PHF14: variants seen among roughly 807,000 people sequenced by gnomAD.
The protein encoded by PHF14 is PHD finger protein 14.
PHF14 carries 55 observed loss-of-function variants against 117.9 expected under a neutral mutation model. The ratio of observed to expected loss-of-function variants is 0.47; its 90% CI spans 0.38 to 0.58. The LOEUF is 0.58. Among genes scored for constraint, PHF14 ranks in the 20% least tolerant of loss-of-function variants. The pLI is 0.00. For missense variants in PHF14, 978 were observed against 1,122.2 expected, an observed-to-expected ratio of 0.87 and a Z score of 1.84; for synonymous variants, 409 against 368.6, an observed-to-expected ratio of 1.11 and a Z score of -1.26.
At chr7:11,115,700 T>G (rs1787581920) in intron 17 of PHF14, among the ~76,000 whole-genome samples, 1 of 152,068 alleles carries the variant, frequency 6.6e-6, no homozygotes, top group Non-Finnish European at 1.5e-5. Flanking sequence ...TAAGGTCATT[T>G]ATGGCAAAAG....
At chr7:11,008,076 A>G (rs530389109) in intron 4 of PHF14, among the ~76,000 whole-genome samples, 5 of 152,272 alleles carry the variant, frequency 3.3e-5, no homozygotes, top group African/African-American at 1.2e-4. Context: ...AATTCAGGAG[A>G]ATGTCAGGTA....
At chr7:11,078,065 G>A (rs2128335432) in intron 16 of PHF14, among the ~76,000 whole-genome samples, 1 of 152,184 alleles carries the variant, frequency 6.6e-6, no homozygotes, top group South Asian at 2.1e-4. Context: ...TTCACACTGT[G>A]GTATTTGAAT....
intron 1 of PHF14, among the ~76,000 whole-genome samples, chr7:10,974,616 C>T (rs1391665760): frequency 2.6e-5 from 4 of 152,148 alleles, no homozygotes; most frequent in Non-Finnish European, 2.9e-5. Flanking sequence ...TTGGCGTTGG[C>T]AGCATCAGGG....
chr7:11,140,143 C>A (rs528923920), intron 17 of PHF14, among the ~76,000 whole-genome samples: 8 of 152,180 alleles, frequency 5.3e-5, no homozygotes, highest in Admixed American at 3.3e-4. Flanking sequence ...CCTTCTCATA[C>A]CCCTGCACAC....
chr7:11,021,285 A>G (rs1160728932), intron 5 of PHF14, among the ~76,000 whole-genome samples: 2 of 152,234 alleles, frequency 1.3e-5, no homozygotes, highest in Non-Finnish European at 2.9e-5. Flanking sequence ...ATGGTAAAGT[A>G]ACAAGGAAGA....
At chr7:11,033,487 C>A (rs935736409) in intron 7 of PHF14, among the ~76,000 whole-genome samples, 11 of 152,138 alleles carry the variant, frequency 7.2e-5, no homozygotes, top group African/African-American at 2.2e-4. Context: ...TTTCATACAA[C>A]TTATTGGCCA....
intron 14 of PHF14, among the ~76,000 whole-genome samples, chr7:11,056,598 A>G (rs112430361): frequency 6.6e-6 from 1 of 152,058 alleles, no homozygotes; most frequent in African/African-American, 2.4e-5. Flanking sequence ...AACAGATGAC[A>G]CCTTGTTCAT....
Position 11,004,246 on chromosome 7 carries a change from CAAAAA to C in PHF14, c.1046-9482_1046-9478del, listed in dbSNP as rs55917513. Among the ~76,000 whole-genome samples the C allele has an allele frequency of 7.1e-3, 364 of 51,270 alleles. 1 individual carries two copies. The highest frequency in any genetic ancestry group is 0.043 in the South Asian group (54 of 1,248). 33.6% of individuals were successfully genotyped at this position (51,270 alleles called of 152,430 possible). ...TGGGCTACAGAGGAAGACTTTGTCT[CAAAAA>C]AAAAAAAAAAAAAAAAAAGAAAAGA... On this transcript the variant is annotated intron_variant, in intron 4 of 17. Transcript: ENST00000634607.
chr7:11,075,347 G>A (rs1237749795), intron 16 of PHF14, among the ~76,000 whole-genome samples: 2 of 152,090 alleles, frequency 1.3e-5, no homozygotes, highest in Non-Finnish European at 2.9e-5. Flanking sequence ...AAGAAAAGAG[G>A]TTTATTTGGC....
At chr7:11,155,775 T>A (rs1226967700) in intron 17 of PHF14, among the ~76,000 whole-genome samples, 1 of 147,834 alleles carries the variant, frequency 6.8e-6, no homozygotes. Flanking sequence ...TTTTTTTTGT[T>A]TTTTTTTAGC....
chr7:11,065,637 A>C (rs180766912), intron 16 of PHF14, among the ~76,000 whole-genome samples: 2 of 152,288 alleles, frequency 1.3e-5, no homozygotes, highest in Admixed American at 6.5e-5. Flanking sequence ...TAAGTAAGGA[A>C]ATAGATTTGA....
At chr7:11,103,752 G>A (rs1583468309) in intron 16 of PHF14, 4 of 984,982 alleles carry the variant, frequency 4.1e-6, no homozygotes, top group Non-Finnish European at 4.8e-6. Context: ...TAAAGCTGCT[G>A]TAATCTAGTG....
chr7:11,095,171 T>C (rs780740420), intron 16 of PHF14, among the ~76,000 whole-genome samples: 12 of 152,192 alleles, frequency 7.9e-5, no homozygotes, highest in Non-Finnish European at 1.2e-4. Flanking sequence ...AGTAAGCACT[T>C]ACCACAACCA....
intron 16 of PHF14, among the ~76,000 whole-genome samples, chr7:11,093,342 CT>C (rs897399368): frequency 2.6e-5 from 4 of 152,068 alleles, no homozygotes; most frequent in Non-Finnish European, 5.9e-5. Context: ...ATACTTACGC[CT>C]GAAAAGGGCA....
intron 5 of PHF14, among the ~76,000 whole-genome samples, chr7:11,022,166 T>G (rs1366784089): frequency 6.6e-6 from 1 of 152,172 alleles, no homozygotes; most frequent in African/African-American, 2.4e-5. Flanking sequence ...GTACTGAAAC[T>G]CTGAGCATTC....
intron 17 of PHF14, among the ~76,000 whole-genome samples, chr7:11,147,759 C>T (rs928895322): frequency 2.0e-5 from 3 of 151,958 alleles, no homozygotes; most frequent in African/African-American, 4.8e-5. Context: ...TTTGTATGTC[C>T]CTGAGTGATT....
At chr7:11,010,047 A>G (rs892828709) in intron 4 of PHF14, among the ~76,000 whole-genome samples, 5 of 152,324 alleles carry the variant, frequency 3.3e-5, no homozygotes, top group Admixed American at 3.3e-4. Context: ...TAAATTGGAT[A>G]GCTCCTTAAG....
intron 17 of PHF14, among the ~76,000 whole-genome samples, chr7:11,125,489 G>A (rs894023107): frequency 1.3e-5 from 2 of 151,954 alleles, no homozygotes; most frequent in Admixed American, 6.6e-5. Context: ...GTTTACACTC[G>A]TTTGTGTTAA....
In PHF14 at chr7:11,013,744, T is replaced by A; in HGVS notation, c.1046-3T>A. 6.6e-7 allele frequency: 1 copy of A among 1,509,996 alleles called. No homozygotes were observed. Among genetic ancestry groups the A allele is most frequent in the Non-Finnish European group, 9.0e-7 (1 of 1,111,890 alleles). The allele number at this position is 1,509,996 out of a possible 1,614,324, so 93.5% of individuals were successfully genotyped here. ...TTAATCATAGTGTTTTTGTTTTTTT[T>A]AGGTTGTTATGGAGTTGATGGAGAG... On this transcript the variant is annotated splice_polypyrimidine_tract_variant and splice_region_variant and intron_variant, in intron 4 of 17. Transcript: ENST00000634607.
Sources: gnomAD v4.1 joint callset for allele counts (sites outside exome capture counted in the v4.1 genomes callset) on GRCh38, gnomAD v4.1.1 for gene constraint, MANE v1.5 for transcripts, NCBI Gene and HGNC (gene_info 2026-07-23, HGNC 2026-07-21) for gene names.